Variants in RORA observed in about 807,000 individuals in gnomAD.
RORA encodes the protein RAR related orphan receptor A.
Under a neutral mutation model 69.5 loss-of-function variants are expected in RORA, and 7 were observed. That is an observed-to-expected ratio of 0.10 (90% confidence interval 0.06 to 0.19). The LOEUF is 0.19. Among genes scored for constraint, RORA ranks in the 10% least tolerant of loss-of-function variants. The pLI, the probability that RORA is intolerant of heterozygous loss-of-function variation, is 1.00. For missense variants in RORA, 457 were observed against 663.0 expected (o/e 0.69, Z 3.41); for synonymous variants, 261 against 240.8 (o/e 1.08, Z -0.78).
At chr15:60,817,487 T>C (rs1383098758) in intron 1 of RORA, among the ~76,000 whole-genome samples, 1 of 152,248 alleles carries the variant, frequency 6.6e-6, no homozygotes, top group Non-Finnish European at 1.5e-5. Context: ...GATGTATGTC[T>C]GTATATAATA....
intron 1 of RORA, among the ~76,000 whole-genome samples, chr15:61,022,644 T>C (rs1011252780): frequency 6.6e-5 from 10 of 152,230 alleles, no homozygotes; most frequent in African/African-American, 2.4e-4. Context: ...TTTTGTGCTT[T>C]CTTATTTCAA....
At chr15:60,513,371 T>C (rs1030267642) in intron 4 of RORA, among the ~76,000 whole-genome samples, 1 of 152,154 alleles carries the variant, frequency 6.6e-6, no homozygotes, top group Non-Finnish European at 1.5e-5. Context: ...TTGAAAAAAA[T>C]TTTCTAGGAC....
chr15:60,907,554 G>A lies in RORA; in HGVS notation c.167-228868C>T, dbSNP rs559033721. On this transcript the variant is annotated intron_variant, in intron 1 of 10. Transcript: ENST00000335670. ...TAGGCTCTTCATTTGTGAATTATTCGTGCTAGAAGAGGCCATATGTGGAAA... is the reference window on the plus strand; with the variant it reads ...TAGGCTCTTCATTTGTGAATTATTCATGCTAGAAGAGGCCATATGTGGAAA... Among the ~76,000 whole-genome samples the A allele has an allele frequency of 3.9e-5, 6 of 152,104 alleles. No individual in the cohort carries two copies. The East Asian group carries it at 5.8e-4, about 15-fold the overall frequency.
chr15:60,750,259 T>C (rs1019452323), intron 1 of RORA, among the ~76,000 whole-genome samples: 8 of 152,204 alleles, frequency 5.3e-5, no homozygotes, highest in African/African-American at 1.2e-4. Flanking sequence ...CCAGGTCATA[T>C]CTACAGCTGA....
intron 1 of RORA, among the ~76,000 whole-genome samples, chr15:60,873,251 GTGTGTGTGTGTCTGTGTGTGTGTGTC>G (rs2073577828): frequency 7.9e-6 from 1 of 126,472 alleles, no homozygotes; most frequent in East Asian, 2.0e-4. Context: ...GTGTGTGTCT[GTGTGTGTGTGTCTGTGTGTGTGTGTC>G]TGTGTGTGTG....
At chr15:61,094,578 A>T (rs1289473217) in intron 1 of RORA, among the ~76,000 whole-genome samples, 1 of 152,236 alleles carries the variant, frequency 6.6e-6, no homozygotes, top group Non-Finnish European at 1.5e-5. Flanking sequence ...GTAAGGTCCA[A>T]AAAATGCACC....
chr15:60,536,231 T>C (rs2066674156), intron 2 of RORA, among the ~76,000 whole-genome samples: 1 of 152,256 alleles, frequency 6.6e-6, no homozygotes, highest in African/African-American at 2.4e-5. Flanking sequence ...ATATATATGA[T>C]ATCTGTATGA....
intron 1 of RORA, among the ~76,000 whole-genome samples, chr15:61,059,988 GGAAGAAGAAGAA>G (rs71122901): frequency 0.041 from 3,510 of 85,892 alleles, 102 homozygotes; most frequent in Middle Eastern, 0.056. Flanking sequence ...AAGAGGAAGA[GGAAGAAGAAGAA>G]GAAGAAGAAG....
At chr15:61,023,308 T>A (rs954322211) in intron 1 of RORA, among the ~76,000 whole-genome samples, 3 of 151,600 alleles carry the variant, frequency 2.0e-5, no homozygotes, top group Non-Finnish European at 4.4e-5. Flanking sequence ...CAGTTCCACA[T>A]GGCTGGGAGG....
At chr15:61,074,274 C>G (rs1275123680) in intron 1 of RORA, among the ~76,000 whole-genome samples, 2 of 152,118 alleles carry the variant, frequency 1.3e-5, no homozygotes, top group South Asian at 2.1e-4. Flanking sequence ...CCTAAAAGAA[C>G]AAGATCAAAG....
intron 1 of RORA, among the ~76,000 whole-genome samples, chr15:60,984,437 A>G (rs1566933654): frequency 1.3e-5 from 2 of 151,028 alleles, no homozygotes; most frequent in African/African-American, 4.9e-5. Flanking sequence ...TAGTATAATA[A>G]TAATAGTTAT....
At chr15:61,184,772 G>A (rs186226303) in intron 1 of RORA, among the ~76,000 whole-genome samples, 5 of 152,032 alleles carry the variant, frequency 3.3e-5, no homozygotes, top group African/African-American at 1.2e-4. Flanking sequence ...ATTACTTGAG[G>A]CCAGATTGTT....
chr15:60,902,019 C>T (rs905674260), intron 1 of RORA, among the ~76,000 whole-genome samples: 4 of 152,136 alleles, frequency 2.6e-5, no homozygotes, highest in East Asian at 1.9e-4. Flanking sequence ...CTTGGGAACC[C>T]GGAGGCTAAT....
chr15:60,542,086 G>T (rs975436412), intron 2 of RORA, among the ~76,000 whole-genome samples: 2 of 152,198 alleles, frequency 1.3e-5, no homozygotes, highest in African/African-American at 4.8e-5. Context: ...ACTGCAATAA[G>T]TGAATCTTTC....
chr15:60,984,084 T>G (rs75901362), intron 1 of RORA, among the ~76,000 whole-genome samples: 32,294 of 152,078 alleles, frequency 0.21, 3,655 homozygotes, highest in African/African-American at 0.27. Flanking sequence ...AAACTGTTTC[T>G]GAGAATATGT....
At chr15:61,079,763 G>T (rs140029012) in intron 1 of RORA, among the ~76,000 whole-genome samples, 247 of 152,296 alleles carry the variant, frequency 1.6e-3, no homozygotes, top group African/African-American at 5.6e-3. Flanking sequence ...ACAATGAGCT[G>T]GCTAGGGAGT....
At chr15:60,838,804 T>C (rs2073153686) in intron 1 of RORA, among the ~76,000 whole-genome samples, 1 of 151,066 alleles carries the variant, frequency 6.6e-6, no homozygotes, top group South Asian at 2.1e-4. Context: ...CAAGGGAGCA[T>C]TTGGCTTTCC....
At chr15:61,042,575 C>T (rs558653254) in intron 1 of RORA, among the ~76,000 whole-genome samples, 3 of 152,214 alleles carry the variant, frequency 2.0e-5, no homozygotes, top group Non-Finnish European at 4.4e-5. Flanking sequence ...AACTTGTTTT[C>T]TCACAAAAGA....
intron 1 of RORA, among the ~76,000 whole-genome samples, chr15:60,876,852 A>C (rs1319694487): frequency 6.6e-6 from 1 of 152,168 alleles, no homozygotes; most frequent in Non-Finnish European, 1.5e-5. Context: ...AAGTGCTATT[A>C]AATTTTGTGG....
Sources: gnomAD v4.1 joint callset for allele counts (sites outside exome capture counted in the v4.1 genomes callset) on GRCh38, gnomAD v4.1.1 for gene constraint, MANE v1.5 for transcripts, NCBI Gene and HGNC (gene_info 2026-07-23, HGNC 2026-07-21) for gene names.